The following SEMA3A variants were observed in gnomAD, a reference collection of about 807,000 sequenced individuals.
SEMA3A encodes semaphorin-3A.
SEMA3A carries 29 observed loss-of-function variants against 97.9 expected under a neutral mutation model. The observed-to-expected ratio is 0.30, with a 90% CI of 0.22 to 0.40. SEMA3A has a LOEUF of 0.40. Among genes scored for constraint, SEMA3A ranks in the 10% least tolerant of loss-of-function variants. The pLI is 1.00. For synonymous variants in SEMA3A, 321 were observed against 323.7 expected (o/e 0.99, Z 0.09); for missense variants, 763 against 951.3 (o/e 0.80, Z 2.60).
intron 3 of SEMA3A, among the ~76,000 whole-genome samples, chr7:84,258,403 A>G (rs1007779676): frequency 4.6e-5 from 7 of 152,174 alleles, no homozygotes; most frequent in African/African-American, 9.7e-5. Flanking sequence ...CTTTCCCACC[A>G]TATAAAAGTT....
In SEMA3A at chr7:84,183,734, G is replaced by A. The variant is rs904133726; in HGVS notation, c.112+10741C>T. ...AAGAAAGTAAAATTTTACCTTTTTGGAAATATAAAAACGCAATAACTCTGG... is the reference window on the plus strand; with the variant it reads ...AAGAAAGTAAAATTTTACCTTTTTGAAAATATAAAAACGCAATAACTCTGG... On this transcript the variant is annotated intron_variant, in intron 1 of 16. Transcript: ENST00000265362. Among the ~76,000 whole-genome samples the A allele has an allele frequency of 5.9e-5, 9 of 151,976 alleles. 1 individual carries two copies. Among genetic ancestry groups the A allele is most frequent in the Admixed American group, 1.3e-4 (2 of 15,244 alleles).
intron 3 of SEMA3A, among the ~76,000 whole-genome samples, chr7:84,217,304 G>T (rs1160129441): frequency 6.6e-6 from 1 of 152,032 alleles, no homozygotes; most frequent in Admixed American, 6.6e-5. Context: ...ATATTTCCAG[G>T]ATAGAAGAAA....
At chr7:84,002,278 T>G (rs1237400632) in intron 11 of SEMA3A, among the ~76,000 whole-genome samples, 1 of 152,152 alleles carries the variant, frequency 6.6e-6, no homozygotes, top group African/African-American at 2.4e-5. Context: ...AAGATTGAAT[T>G]TTTAGAAATA....
At chr7:84,172,944 G>T (rs1797438106) in intron 1 of SEMA3A, among the ~76,000 whole-genome samples, 1 of 152,138 alleles carries the variant, frequency 6.6e-6, no homozygotes, top group Middle Eastern at 3.4e-3. Flanking sequence ...TTGTTTCTGA[G>T]ATATGTACCT....
chr7:84,308,994 T>A (rs1179333211), intron 2 of SEMA3A, among the ~76,000 whole-genome samples: 1 of 151,922 alleles, frequency 6.6e-6, no homozygotes, highest in East Asian at 1.9e-4. Flanking sequence ...ACTTTTGTAT[T>A]TTTAGTATAG....
chr7:84,347,516 A>T (rs188888012), intron 2 of SEMA3A, among the ~76,000 whole-genome samples: 7 of 151,844 alleles, frequency 4.6e-5, no homozygotes, highest in African/African-American at 1.7e-4. Flanking sequence ...GGTTCAAGTA[A>T]TTCTCCTGCC....
intron 1 of SEMA3A, among the ~76,000 whole-genome samples, chr7:84,399,385 C>T (rs1803834879): frequency 6.6e-6 from 1 of 152,100 alleles, no homozygotes; most frequent in African/African-American, 2.4e-5. Flanking sequence ...TTGAATGAGC[C>T]CTGGTGCCAC....
chr7:84,062,794 T>A (rs1474501794), intron 4 of SEMA3A, among the ~76,000 whole-genome samples: 1 of 152,110 alleles, frequency 6.6e-6, no homozygotes, highest in Admixed American at 6.5e-5. Context: ...CGCTGATTGC[T>A]AGCACAGCAG....
Position 84,432,655 on chromosome 7 carries a change from T to A in SEMA3A, c.-246+59805A>T, listed in dbSNP as rs558805206. ...CATACGGTATTTTGTTTTCTGTTCC[T>A]GCATTAATTCACTTAGGATAATTGT... On this transcript the variant is annotated intron_variant, in intron 1 of 3. Transcript: ENST00000424555. 7.9e-5 allele frequency among the ~76,000 whole-genome samples: 12 copies of A among 152,318 alleles called. No homozygotes were observed. In the East Asian group the frequency reaches 2.3e-3, roughly 29 times the overall value.
At chr7:84,351,875 T>C (rs1032783710) in intron 2 of SEMA3A, among the ~76,000 whole-genome samples, 4 of 152,086 alleles carry the variant, frequency 2.6e-5, no homozygotes, top group Admixed American at 1.3e-4. Context: ...GCGAGGTATA[T>C]ACCTGAAAGA....
intron 15 of SEMA3A, among the ~76,000 whole-genome samples, chr7:83,967,898 C>A (rs1451383283): frequency 1.3e-5 from 2 of 152,002 alleles, no homozygotes; most frequent in Non-Finnish European, 2.9e-5. Flanking sequence ...GGGTAATTAC[C>A]TTATCCATCA....
At chr7:84,479,094 T>C (rs536879220) in intron 1 of SEMA3A, among the ~76,000 whole-genome samples, 1 of 152,306 alleles carries the variant, frequency 6.6e-6, no homozygotes, top group South Asian at 2.1e-4. Context: ...TTTCAAAATA[T>C]AATTTTTACA....
At chr7:84,242,758 A>G (rs1376008176) in intron 3 of SEMA3A, among the ~76,000 whole-genome samples, 2 of 152,156 alleles carry the variant, frequency 1.3e-5, no homozygotes, top group African/African-American at 2.4e-5. Flanking sequence ...TCAGAATGAT[A>G]TGGGCTGTGG....
At chr7:84,325,331 A>G (rs1462501984) in intron 2 of SEMA3A, among the ~76,000 whole-genome samples, 9 of 152,144 alleles carry the variant, frequency 5.9e-5, no homozygotes, top group African/African-American at 1.7e-4. Context: ...TTTAAAAAAT[A>G]CTACCGAAGT....
intron 3 of SEMA3A, among the ~76,000 whole-genome samples, chr7:84,247,025 T>C (rs1799490853): frequency 6.6e-6 from 1 of 152,108 alleles, no homozygotes; most frequent in South Asian, 2.1e-4. Flanking sequence ...ATGTTTTTAG[T>C]GGTGAAATCT....
At chr7:84,454,231 T>G (rs1385647080) in intron 1 of SEMA3A, among the ~76,000 whole-genome samples, 1 of 152,234 alleles carries the variant, frequency 6.6e-6, no homozygotes, top group Non-Finnish European at 1.5e-5. Flanking sequence ...ATTCTTATTT[T>G]GTAATGGCTT....
At chr7:84,437,551 C>T (rs1263408122) in intron 1 of SEMA3A, among the ~76,000 whole-genome samples, 1 of 146,732 alleles carries the variant, frequency 6.8e-6, no homozygotes. Context: ...ATAACATTGA[C>T]TTTCTAATGC....
chr7:84,469,657 A>G (rs1465047807), intron 1 of SEMA3A, among the ~76,000 whole-genome samples: 1 of 152,146 alleles, frequency 6.6e-6, no homozygotes, highest in Non-Finnish European at 1.5e-5. Flanking sequence ...AATGAAGTAT[A>G]TGTAAAAAAT....
At position 84,046,569 on chromosome 7, in the gene SEMA3A, T is replaced by C. The variant is rs111424192; in HGVS notation, c.548-126A>G. On this transcript the variant is annotated intron_variant, in intron 5 of 16. Coordinates refer to ENST00000265362, the MANE Select transcript of SEMA3A (RefSeq NM_006080.3). ...CTAAGAGGAAAACTGAAATGCTCTC[T>C]GCATCATTATGCAGTTACTTATTTT... 6.3e-6 allele frequency: 6 copies of C among 950,192 alleles called. No homozygotes were observed. The African/African-American group carries it at 1.0e-4, about 16-fold the overall frequency. The allele number at this position is 950,192 out of a possible 1,614,324, so 58.9% of individuals were successfully genotyped here.
Sources: gnomAD v4.1 joint callset for allele counts (sites outside exome capture counted in the v4.1 genomes callset) on GRCh38, gnomAD v4.1.1 for gene constraint, MANE v1.5 for transcripts, NCBI Gene and HGNC (gene_info 2026-07-23, HGNC 2026-07-21) for gene names.